Variants in ZRANB3 observed in about 807,000 individuals in gnomAD.
ZRANB3 encodes the protein zinc finger RANBP2-type containing 3.
ZRANB3 carries 125 observed loss-of-function variants against 133.8 expected under a neutral mutation model. The ratio of observed to expected loss-of-function variants is 0.93; its 90% CI spans 0.81 to 1.08. The LOEUF (loss-of-function observed/expected upper bound fraction) is 1.08. Ranked by LOEUF, ZRANB3 falls within the 50% of genes least tolerant of loss-of-function variation. ZRANB3 has a pLI of 0.00. For missense variants in ZRANB3, 1,229 were observed against 1,275.5 expected (o/e 0.96, Z 0.56); for synonymous variants, 387 against 432.7 (o/e 0.89, Z 1.31).
chr2:135,232,502 T>A (rs1399627854), intron 12 of ZRANB3, among the ~76,000 whole-genome samples: 1 of 152,196 alleles, frequency 6.6e-6, no homozygotes, highest in Non-Finnish European at 1.5e-5. Flanking sequence ...CCTCCTTAAG[T>A]GGGTCCCTGA....
In ZRANB3 at chr2:135,506,752, T is replaced by C. The variant is rs377087082; in HGVS notation, c.-7-2256A>G. On this transcript the variant is annotated intron_variant, in intron 1 of 20. Coordinates refer to ENST00000264159, the MANE Select transcript of ZRANB3 (RefSeq NM_032143.4). The stretch of plus-strand genomic sequence containing the variant: ...AGGTTTAAACAGGGGAATGACACAA[T>C]CTGACTTACATTTCAAAAAACACCT... Among the ~76,000 whole-genome samples the C allele has an allele frequency of 2.6e-4, 40 of 152,198 alleles. No individual in the cohort carries two copies. The East Asian group carries it at 7.7e-3, about 29-fold the overall frequency.
At chr2:135,382,074 C>A (rs1333710541) in intron 3 of ZRANB3, among the ~76,000 whole-genome samples, 1 of 152,110 alleles carries the variant, frequency 6.6e-6, no homozygotes, top group Non-Finnish European at 1.5e-5. Flanking sequence ...GAACCCAATG[C>A]AAAGAACTTA....
intron 9 of ZRANB3, among the ~76,000 whole-genome samples, chr2:135,273,017 A>G (rs529526670): frequency 3.9e-5 from 6 of 151,904 alleles, no homozygotes; most frequent in African/African-American, 1.4e-4. Flanking sequence ...CCCCATCTCT[A>G]CTAAAAAAAT....
intron 3 of ZRANB3, among the ~76,000 whole-genome samples, chr2:135,379,831 G>A (rs1044227252): frequency 1.3e-5 from 2 of 152,086 alleles, no homozygotes; most frequent in Admixed American, 6.6e-5. Context: ...AAATGTAAAT[G>A]GGCGAAATGT....
At chr2:135,348,683 C>A (rs1177350509) in intron 5 of ZRANB3, among the ~76,000 whole-genome samples, 1 of 152,122 alleles carries the variant, frequency 6.6e-6, no homozygotes, top group Admixed American at 6.5e-5. Flanking sequence ...CAACCTCTGC[C>A]TCCTGGGTTC....
At chr2:135,299,964 T>G (rs1254143467) in intron 8 of ZRANB3, among the ~76,000 whole-genome samples, 1 of 152,134 alleles carries the variant, frequency 6.6e-6, no homozygotes, top group Non-Finnish European at 1.5e-5. Flanking sequence ...ATCTTGAAGA[T>G]CTATAAAATT....
chr2:135,394,009 C>T lies in ZRANB3; in HGVS notation c.162-3189G>A, dbSNP rs142882706. ...AGTAGCTGGGTAAACAGGCGCCCGC[C>T]ACCATGCCCAGCTAATTTTTTTTTT... On this transcript the variant is annotated intron_variant, in intron 2 of 20. Coordinates refer to ENST00000264159, the MANE Select transcript of ZRANB3 (RefSeq NM_032143.4). Among the ~76,000 whole-genome samples, 760 of 152,026 alleles carry T rather than the reference C, an allele frequency of 5.0e-3. 16 individuals are homozygous for T. In the East Asian group the frequency reaches 0.074, roughly 15 times the overall value.
intron 3 of ZRANB3, among the ~76,000 whole-genome samples, chr2:135,359,608 A>AAAAAGAAAAGAAAAGAAAAGAAAGG (rs1685583295): frequency 6.6e-6 from 1 of 151,784 alleles, no homozygotes; most frequent in Non-Finnish European, 1.5e-5. Flanking sequence ...AAAGAAAAGA[A>AAAAAGAAAAGAAAAGAAAAGAAAGG]AAAAGAAAAG....
intron 2 of ZRANB3, among the ~76,000 whole-genome samples, chr2:135,400,776 A>T (rs866744893): frequency 6.6e-6 from 1 of 152,170 alleles, no homozygotes; most frequent in East Asian, 1.9e-4. Context: ...CTCTGTTCTA[A>T]CACCGGAAAA....
intron 3 of ZRANB3, among the ~76,000 whole-genome samples, chr2:135,362,479 G>T (rs1685739053): frequency 6.6e-6 from 1 of 152,042 alleles, no homozygotes; most frequent in South Asian, 2.1e-4. Flanking sequence ...CAGGATGAGA[G>T]GAAAAAAACT....
At chr2:135,288,966 G>A (rs1283982729) in intron 8 of ZRANB3, among the ~76,000 whole-genome samples, 2 of 150,916 alleles carry the variant, frequency 1.3e-5, no homozygotes, top group Non-Finnish European at 2.9e-5. Flanking sequence ...CTTCTGCTGG[G>A]TTTGGGTCTG....
intron 12 of ZRANB3, among the ~76,000 whole-genome samples, chr2:135,261,678 C>T (rs1679972331): frequency 6.6e-6 from 1 of 152,030 alleles, no homozygotes; most frequent in Non-Finnish European, 1.5e-5. Context: ...AATAAACATA[C>T]ACATATGTAG....
At position 135,230,846 on chromosome 2, in the gene ZRANB3, C is replaced by T. The variant is rs935615; in HGVS notation, c.1621G>A (p.Glu541Lys). Residue 541 changes from glutamate (E) to lysine (K), a missense_variant, in exon 13 of 21, where the codon GAA becomes AAA. Physicochemically the swap from Glu to Lys is moderately conservative, Grantham distance 56. Coordinates refer to ENST00000264159, the MANE Select transcript of ZRANB3 (RefSeq NM_032143.4). ...TTTTCCTCCCGGAATCTCTTTGATTCGTCACAGGAGGTCATCAACTGTCTT... is the reference window on the plus strand; with the variant it reads ...TTTTCCTCCCGGAATCTCTTTGATTTGTCACAGGAGGTCATCAACTGTCTT... ...KKRQLMTSCDESKRFREENTV... is the reference protein window; with the variant it reads ...KKRQLMTSCDKSKRFREENTV... The T allele has an allele frequency of 0.12, 194,769 of 1,611,544 alleles. 17,994 individuals carry two copies. Among genetic ancestry groups the T allele is most frequent in the African/African-American group, 0.34 (25,311 of 74,864 alleles).
At chr2:135,435,851 A>T (rs1395105940) in intron 2 of ZRANB3, among the ~76,000 whole-genome samples, 1 of 151,886 alleles carries the variant, frequency 6.6e-6, no homozygotes, top group Non-Finnish European at 1.5e-5. Context: ...TCTCTTGTGA[A>T]TTTTTTTAAA....
At chr2:135,219,253 T>A in intron 15 of ZRANB3, 75 bp from the exon 16 acceptor site, 1 of 975,876 alleles carries the variant, frequency 1.0e-6, no homozygotes, top group Non-Finnish European at 1.5e-6. Context: ...TGAAAATAAT[T>A]ACATTATGAC....
At chr2:135,517,142 C>T (rs750486674) in intron 1 of ZRANB3, among the ~76,000 whole-genome samples, 11 of 151,956 alleles carry the variant, frequency 7.2e-5, no homozygotes, top group Non-Finnish European at 1.6e-4. Context: ...ATGTTCTTCT[C>T]TAAACTGGTT....
chr2:135,353,476 A>G lies in ZRANB3; in HGVS notation c.333T>C (p.Asn111=), dbSNP rs377755785. 7.9e-5 allele frequency: 127 copies of G among 1,600,168 alleles called. No homozygotes were observed. The highest frequency in any genetic ancestry group is 1.1e-4 in the Non-Finnish European group (124 of 1,174,792). The change falls in exon 4 of 21, where the codon AAT becomes AAC. Residue 111 remains asparagine, a synonymous_variant. Coordinates refer to ENST00000264159, the MANE Select transcript of ZRANB3 (RefSeq NM_032143.4). The stretch of plus-strand genomic sequence containing the variant: ...TAACATCAGTTTTATTCTGAATAAC[A>G]TTGATTTCTTCTGGACTTAGCTCTG... ...WIPELSPEEI[N]VIQNKTDVRR...
At chr2:135,276,951 C>T (rs1257217895) in intron 8 of ZRANB3, among the ~76,000 whole-genome samples, 1 of 152,214 alleles carries the variant, frequency 6.6e-6, no homozygotes, top group East Asian at 1.9e-4. Context: ...TATTTACCTT[C>T]TCTCTACCTA....
chr2:135,326,585 T>C (rs1478595257), intron 6 of ZRANB3, among the ~76,000 whole-genome samples: 1 of 152,036 alleles, frequency 6.6e-6, no homozygotes, highest in Non-Finnish European at 1.5e-5. Flanking sequence ...GACTTAGGTA[T>C]TAAGTCCCGC....
Sources: gnomAD v4.1 joint callset for allele counts (sites outside exome capture counted in the v4.1 genomes callset) on GRCh38, gnomAD v4.1.1 for gene constraint, MANE v1.5 for transcripts, NCBI Gene and HGNC (gene_info 2026-07-23, HGNC 2026-07-21) for gene names.